RANBP2: variants seen among roughly 807,000 people sequenced by gnomAD.
RANBP2 encodes the protein RAN binding protein 2, also known as E3 SUMO-protein ligase RanBP2.
In RANBP2, 57 loss-of-function variants were observed where a neutral mutation model predicts 303.6. The ratio of observed to expected loss-of-function variants is 0.19; its 90% confidence interval spans 0.15 to 0.23. The LOEUF (loss-of-function observed/expected upper bound fraction) is 0.23, where lower values mean the gene tolerates loss of function less well. RANBP2 is among the 10% of genes least tolerant of loss of function. The probability of loss-of-function intolerance (pLI) is 1.00; values close to 1 mark genes in which losing one functional copy is unlikely to be tolerated. For missense variants in RANBP2, 3,138 were observed against 3,780.8 expected (o/e 0.83, Z 4.46); for synonymous variants, 1,167 against 1,301.5 (o/e 0.90, Z 2.23).
the RANBP2 span, among the ~76,000 whole-genome samples, chr2:108,966,755 A>G: frequency 6.6e-6 from 1 of 152,246 alleles, no homozygotes; most frequent in Non-Finnish European, 1.5e-5. Context: ...CTGCTGGCAG[A>G]GGCCAAGTGC....
Position 108,775,884 on chromosome 2 carries a change from A to T in RANBP2, c.8445A>T (p.Lys2815Asn). 2 of 1,613,048 alleles carry T rather than the reference A, an allele frequency of 1.2e-6. No individual in the cohort carries two copies. Among genetic ancestry groups the T allele is most frequent in the South Asian group, 2.2e-5 (2 of 91,066 alleles). Residue 2815 changes from lysine to asparagine, a missense_variant, in exon 24 of 29, where the codon AAA becomes AAT. Coordinates refer to ENST00000283195, the MANE Select transcript of RANBP2 (RefSeq NM_006267.5). Reference sequence around the variant, plus strand: ...CTGTTTCCTCTGAAACTATGGACAAACCTGTAGATTTGTCAACTAGAAAGG... The same window carrying T: ...CTGTTTCCTCTGAAACTATGGACAATCCTGTAGATTTGTCAACTAGAAAGG... ...SPSVSSETMDKPVDLSTRKEI... is the reference protein window; with the variant it reads ...SPSVSSETMDNPVDLSTRKEI...
At chr2:109,220,742 G>A in the RANBP2 span, among the ~76,000 whole-genome samples, 1 of 152,162 alleles carries the variant, frequency 6.6e-6, no homozygotes, top group South Asian at 2.1e-4. Flanking sequence ...GTTAGAAGGG[G>A]CATTTTCCAA....
At chr2:108,972,798 C>T in the RANBP2 span, among the ~76,000 whole-genome samples, 3 of 152,166 alleles carry the variant, frequency 2.0e-5, no homozygotes, top group Non-Finnish European at 4.4e-5. Context: ...GGGGGGCCTC[C>T]GGCAGGGGCG....
At chr2:109,070,858 TAAAAA>T in the RANBP2 span, among the ~76,000 whole-genome samples, 1 of 137,214 alleles carries the variant, frequency 7.3e-6, no homozygotes. Context: ...AGACCCTATC[TAAAAA>T]AAAAAAAAAA....
intron 9 of RANBP2, among the ~76,000 whole-genome samples, chr2:108,751,056 T>C (rs920610758): frequency 6.6e-6 from 1 of 152,204 alleles, no homozygotes; most frequent in African/African-American, 2.4e-5. Flanking sequence ...ATCACTACTA[T>C]TTTTATTAAA....
the RANBP2 span, among the ~76,000 whole-genome samples, chr2:109,372,482 A>G: frequency 0.039 from 5,895 of 152,282 alleles, 349 homozygotes; most frequent in African/African-American, 0.13. Flanking sequence ...GTGAATGCTT[A>G]CTGAGTGCTT....
the RANBP2 span, among the ~76,000 whole-genome samples, chr2:109,272,811 G>A: frequency 8.0e-3 from 1,221 of 152,284 alleles, 22 homozygotes; most frequent in African/African-American, 0.028. Context: ...TGCCGCACAC[G>A]CAGGACGTCA....
At chr2:109,730,766 C>G in the RANBP2 span, among the ~76,000 whole-genome samples, 1 of 137,222 alleles carries the variant, frequency 7.3e-6, no homozygotes, top group Non-Finnish European at 1.5e-5. Context: ...TCTCTGGGGT[C>G]TCTCTCTCTC....
the RANBP2 span, among the ~76,000 whole-genome samples, chr2:109,146,386 C>T: frequency 1.1e-4 from 16 of 152,180 alleles, no homozygotes; most frequent in African/African-American, 3.9e-4. Context: ...ACTAATCACT[C>T]CTCTGTATCA....
Position 108,767,816 on chromosome 2 carries a change from A to G in RANBP2, c.7277A>G (p.Gln2426Arg), listed in dbSNP as rs1338639842. Reference protein sequence around the residue: ...VEHLAVRFKLQDVADSFKKIF... With the variant: ...VEHLAVRFKLRDVADSFKKIF... The stretch of plus-strand genomic sequence containing the variant: ...CATTTAGCTGTTCGTTTTAAACTAC[A>G]GGATGTTGCAGACTCGTTTAAGAAA... Residue 2426 changes from glutamine (Q) to arginine (R), a missense_variant, in exon 20 of 29, where the codon CAG becomes CGG. By Grantham distance (43) the Gln-to-Arg change is conservative (BLOSUM62 1). Transcript: ENST00000283195. 1.2e-6 allele frequency: 2 copies of G among 1,611,224 alleles called. No individual in the cohort carries two copies. Among genetic ancestry groups the G allele is most frequent in the Non-Finnish European group, 1.7e-6 (2 of 1,179,860 alleles).
At position 108,772,870 on chromosome 2, in the gene RANBP2, A is replaced by T; in HGVS notation, c.8116A>T (p.Asn2706Tyr). 6.2e-7 allele frequency: 1 copy of T among 1,613,674 alleles called. No homozygotes were observed. Among genetic ancestry groups the T allele is most frequent in the Non-Finnish European group, 8.5e-7 (1 of 1,179,744 alleles). ...CRPLEENTAD[N>Y]EKECIIVWEK... ...CTTGTGTTGTACTGATTTTTCAGAT[A>T]ATGAGAAAGAATGTATTATTGTTTG... The change falls in exon 23 of 29, where the codon AAT becomes TAT. Residue 2706 changes from asparagine to tyrosine, a missense_variant and splice_region_variant. Physicochemically the swap from Asn to Tyr is moderately radical, Grantham distance 143 (BLOSUM62 -2). Around this residue, in one of 20 missense-constraint regions of RANBP2, gnomAD observed 497 missense variants for 465.8 expected, o/e 1.07. Transcript: ENST00000283195.
the RANBP2 span, among the ~76,000 whole-genome samples, chr2:109,679,837 T>C: frequency 6.6e-6 from 1 of 152,108 alleles, no homozygotes; most frequent in African/African-American, 2.4e-5. Flanking sequence ...ACAATTCAAG[T>C]TTGAGAATCA....
At chr2:109,032,241 C>T in the RANBP2 span, among the ~76,000 whole-genome samples, 2 of 152,262 alleles carry the variant, frequency 1.3e-5, no homozygotes, top group African/African-American at 2.4e-5. Context: ...GCACATCAAT[C>T]TTGTTGATTT....
In RANBP2 at chr2:108,764,310, T is replaced by C. The variant is rs1402851857; in HGVS notation, c.3771T>C (p.Asn1257=). Residue 1257 remains asparagine, a synonymous_variant, in exon 20 of 29, where the codon AAT becomes AAC. Transcript: ENST00000283195. ...GTCCAGATATGAAATTGACACCAAA[T>C]GCTGGATCAGACAGATCTTTTGTAT... is the stretch of plus-strand genomic sequence containing the variant. ...YISPDMKLTP[N]AGSDRSFVWH... is the part of the protein sequence containing the mutation. 6.2e-7 allele frequency: 1 copy of C among 1,613,712 alleles called. No homozygotes were observed. Among genetic ancestry groups the C allele is most frequent in the Non-Finnish European group, 8.5e-7 (1 of 1,179,982 alleles).
the RANBP2 span, among the ~76,000 whole-genome samples, chr2:108,838,233 T>C: frequency 1.3e-5 from 2 of 152,308 alleles, no homozygotes; most frequent in East Asian, 1.9e-4. Context: ...CACTTTGCTG[T>C]ATCTAAGAAT....
At chr2:109,014,470 G>A in the RANBP2 span, among the ~76,000 whole-genome samples, 1 of 152,224 alleles carries the variant, frequency 6.6e-6, no homozygotes, top group African/African-American at 2.4e-5. Flanking sequence ...TTTGTTGTCT[G>A]GGTGATGTTC....
the RANBP2 span, among the ~76,000 whole-genome samples, chr2:109,408,942 G>A: frequency 1.5e-3 from 223 of 152,290 alleles, 3 homozygotes; most frequent in East Asian, 0.041. Context: ...GGCCATCCAC[G>A]GCTCTTCCTG....
the RANBP2 span, among the ~76,000 whole-genome samples, chr2:109,302,979 C>T: frequency 2.6e-5 from 4 of 152,204 alleles, no homozygotes; most frequent in East Asian, 3.9e-4. Flanking sequence ...CAGGTTCAAG[C>T]GATTCTCCTG....
chr2:109,615,561 A>C, the RANBP2 span: 3 of 1,613,966 alleles, frequency 1.9e-6, no homozygotes, highest in Non-Finnish European at 1.7e-6. Context: ...GGAGGTGGTG[A>C]AGCTGCTGGT....
Sources: gnomAD v4.1 joint callset for allele counts (sites outside exome capture counted in the v4.1 genomes callset) on GRCh38, gnomAD v4.1.1 for gene constraint, gnomAD v4.1.1 regional missense constraint, MANE v1.5 for transcripts, NCBI Gene and HGNC (gene_info 2026-07-23, HGNC 2026-07-21) for gene names.